The following UGT1A6 variants were observed in gnomAD, a reference collection of about 807,000 sequenced individuals.
UGT1A6 encodes UDP-glucuronosyltransferase 1A6.
Under a neutral mutation model 44.4 loss-of-function variants are expected in UGT1A6, and 32 were observed. That is an observed-to-expected ratio of 0.72 (90% CI 0.54 to 0.97). UGT1A6 has a LOEUF of 0.97. Ranked by LOEUF, UGT1A6 falls within the 50% of genes least tolerant of loss-of-function variation. The pLI is 0.00. For synonymous variants in UGT1A6, 238 were observed against 248.5 expected, an observed-to-expected ratio of 0.96 and a Z score of 0.40; for missense variants, 685 against 661.9, an observed-to-expected ratio of 1.03 and a Z score of -0.38.
intron 1 of UGT1A6, chr2:233,747,317 C>A: frequency 1.9e-6 from 3 of 1,603,212 alleles, no homozygotes; most frequent in Non-Finnish European, 2.6e-6. Flanking sequence ...CTGGTGGTAC[C>A]CATTGATGGC....
intron 1 of UGT1A6, among the ~76,000 whole-genome samples, chr2:233,725,070 G>T (rs1181179601): frequency 6.9e-6 from 1 of 145,128 alleles, no homozygotes; most frequent in Non-Finnish European, 1.5e-5. Context: ...GCCTGCAATC[G>T]CAGGCACTCG....
intron 1 of UGT1A6, among the ~76,000 whole-genome samples, chr2:233,746,886 T>G (rs1265545295): frequency 6.6e-6 from 1 of 151,624 alleles, no homozygotes; most frequent in Non-Finnish European, 1.5e-5. Context: ...AACAGAGAAG[T>G]AGGAGGCTGT....
chr2:233,754,486 C>T (rs2125926114), intron 1 of UGT1A6: 1 of 357,902 alleles, frequency 2.8e-6, no homozygotes, highest in East Asian at 7.3e-5. Context: ...CACTTTCAAT[C>T]CTAAAAAAAG....
intron 1 of UGT1A6, among the ~76,000 whole-genome samples, chr2:233,742,294 T>C (rs1176827830): frequency 3.3e-5 from 5 of 152,006 alleles, no homozygotes; most frequent in African/African-American, 1.2e-4. Context: ...CTATAGATTA[T>C]AGATTAACTA....
rs958541757 is a variant in UGT1A6 at position 233,749,447 on chromosome 2, G to A, written c.862-17587G>A. Among the ~76,000 whole-genome samples, 14 of 151,852 alleles carry A rather than the reference G, an allele frequency of 9.2e-5. 1 individual carries two copies. Among genetic ancestry groups the A allele is most frequent in the African/African-American group, 3.4e-4 (14 of 41,136 alleles). ...AAAACTTCACTGTCATCTCAGTGGAGCAGAACGAATTGGGAACTGTGGCAC... is the reference window on the plus strand; with the variant it reads ...AAAACTTCACTGTCATCTCAGTGGAACAGAACGAATTGGGAACTGTGGCAC... On this transcript the variant is annotated intron_variant, in intron 1 of 4. Transcript: ENST00000305139.
chr2:233,729,269 T>C, intron 1 of UGT1A6: 1 of 1,614,208 alleles, frequency 6.2e-7, no homozygotes, highest in Non-Finnish European at 8.5e-7. Context: ...CGGGAGGTCT[T>C]GCGGGAGCTC....
At chr2:233,747,688 C>T in intron 1 of UGT1A6, 2 of 1,609,342 alleles carry the variant, frequency 1.2e-6, no homozygotes, top group South Asian at 2.2e-5. Context: ...CTCTGTGGGG[C>T]AGTGCTGGCT....
chr2:233,761,981 G>A (rs1697924435), intron 1 of UGT1A6, among the ~76,000 whole-genome samples: 1 of 152,178 alleles, frequency 6.6e-6, no homozygotes, highest in African/African-American at 2.4e-5. Context: ...CACCTTCGGA[G>A]GTGACCTTAT....
intron 1 of UGT1A6, among the ~76,000 whole-genome samples, chr2:233,707,881 G>T (rs1356249907): frequency 6.6e-6 from 1 of 152,126 alleles, no homozygotes. Flanking sequence ...GATTGCTAAG[G>T]CATTAGTTAT....
chr2:233,718,056 A>T (rs1203878997), intron 1 of UGT1A6: 5 of 356,546 alleles, frequency 1.4e-5, no homozygotes, highest in Non-Finnish European at 2.8e-5. Flanking sequence ...CCCTGAACCC[A>T]CCGTGGGTCC....
At chr2:233,698,440 A>G (rs996104849) in intron 1 of UGT1A6, among the ~76,000 whole-genome samples, 1 of 152,260 alleles carries the variant, frequency 6.6e-6, no homozygotes, top group African/African-American at 2.4e-5. Context: ...AAGAAGATAT[A>G]TCACAGATCA....
At chr2:233,705,136 GAA>G (rs11336071) in intron 1 of UGT1A6, among the ~76,000 whole-genome samples, 35 of 142,664 alleles carry the variant, frequency 2.5e-4, no homozygotes, top group African/African-American at 2.6e-4. Flanking sequence ...GACTTCGTCT[GAA>G]AAAAAAAAAA....
At chr2:233,712,664 G>GT (rs2076247267) in intron 1 of UGT1A6, among the ~76,000 whole-genome samples, 1 of 152,174 alleles carries the variant, frequency 6.6e-6, no homozygotes, top group African/African-American at 2.4e-5. Flanking sequence ...TAAGAGAGAA[G>GT]TAGGAGACAG....
chr2:233,719,160 A>G (rs2125666938), intron 1 of UGT1A6: 1 of 1,614,264 alleles, frequency 6.2e-7, no homozygotes, highest in South Asian at 1.1e-5. Flanking sequence ...TTCTAGAAGT[A>G]TGGCAATTAT....
At chr2:233,735,837 C>T (rs2078701654) in intron 1 of UGT1A6, among the ~76,000 whole-genome samples, 1 of 151,994 alleles carries the variant, frequency 6.6e-6, no homozygotes, top group South Asian at 2.1e-4. Flanking sequence ...GAATATTGGC[C>T]CCCACTCTCT....
At chr2:233,709,522 C>A (rs575699212) in intron 1 of UGT1A6, among the ~76,000 whole-genome samples, 40 of 152,162 alleles carry the variant, frequency 2.6e-4, no homozygotes, top group African/African-American at 8.9e-4. Context: ...TTTAGGAATT[C>A]TTTTTCCTAC....
chr2:233,727,259 C>T (rs376711129), intron 1 of UGT1A6, among the ~76,000 whole-genome samples: 2 of 152,098 alleles, frequency 1.3e-5, no homozygotes, highest in African/African-American at 4.8e-5. Flanking sequence ...CAGCCCAGAC[C>T]CCTCCTCATC....
At chr2:233,705,534 G>A (rs2075855831) in intron 1 of UGT1A6, among the ~76,000 whole-genome samples, 1 of 152,186 alleles carries the variant, frequency 6.6e-6, no homozygotes, top group Non-Finnish European at 1.5e-5. Context: ...ACCTTCAGCT[G>A]TGAAGAGCAG....
In UGT1A6 at chr2:233,755,048, C is replaced by T; in HGVS notation, c.862-11986C>T. ...AGGGCCTGCCGCCTGCGCAGCCGCC[C>T]TCCGCCCTCGCCTCGCCATAGCGGT... On this transcript the variant is annotated intron_variant, in intron 1 of 4. Transcript: ENST00000305139. 4 of 1,330,776 alleles carry T rather than the reference C, an allele frequency of 3.0e-6. No homozygotes were observed. In the South Asian group the frequency reaches 3.4e-5, roughly 11 times the overall value. The allele number at this position is 1,330,776 out of a possible 1,614,324, so 82.4% of individuals were successfully genotyped here.
Sources: allele counts gnomAD v4.1 joint callset (sites outside exome capture counted in the v4.1 genomes callset), GRCh38; gene constraint gnomAD v4.1.1; transcripts MANE v1.5; gene names NCBI Gene and HGNC (gene_info 2026-07-23, HGNC 2026-07-21).